The following ZNF692 variants were observed in gnomAD, a reference collection of about 807,000 sequenced individuals.
ZNF692 encodes the protein AICAR responsive element binding protein.
In ZNF692, 41 loss-of-function variants were observed where a neutral mutation model predicts 49.0. That is an observed-to-expected ratio of 0.84 (90% CI 0.65 to 1.08). The LOEUF (loss-of-function observed/expected upper bound fraction) is 1.08, where lower values mean the gene tolerates loss of function less well. Among genes scored for constraint, ZNF692 ranks in the 50% least tolerant of loss-of-function variants. The pLI, the probability that ZNF692 is intolerant of heterozygous loss-of-function variation, is 0.00. For missense variants in ZNF692, 662 were observed against 662.2 expected, an observed-to-expected ratio of 1.00 and a Z score of 0.00; for synonymous variants, 288 against 251.5, an observed-to-expected ratio of 1.15 and a Z score of -1.37.
chr1:248,856,787 C>G (rs961138835), intron 4 of ZNF692, among the ~76,000 whole-genome samples: 1 of 152,144 alleles, frequency 6.6e-6, no homozygotes, highest in Non-Finnish European at 1.5e-5. Context: ...TGCACCCAGG[C>G]AGAGACTTTT....
In ZNF692 at chr1:248,858,228, G is replaced by C. The variant is rs781683840; in HGVS notation, c.82C>G (p.Arg28Gly). 1.3e-6 allele frequency: 2 copies of C among 1,591,366 alleles called. No homozygotes were observed. Among genetic ancestry groups the C allele is most frequent in the East Asian group, 4.5e-5 (2 of 44,214 alleles). ...TCCATGTGGCCGCCCAGGCGGATGCGGCACTTGCTGCGGCGCGCGTCCAGC... is the reference window on the plus strand; with the variant it reads ...TCCATGTGGCCGCCCAGGCGGATGCCGCACTTGCTGCGGCGCGCGTCCAGC... ...RQLDARRSKC[R>G]IRLGGHMEQW... Residue 28 changes from arginine to glycine, a missense_variant, in exon 2 of 12, where the codon CGC becomes GGC. Coordinates refer to ENST00000306601, the MANE Select transcript of ZNF692 (RefSeq NM_017865.4). The surrounding 1 kb of genome is among the most constrained non-coding windows in gnomAD (Gnocchi z 4.3).
At chr1:248,857,779 T>A (rs775587181) in intron 3 of ZNF692, 49 bp downstream of exon 3, 1 of 1,602,036 alleles carries the variant, frequency 6.2e-7, no homozygotes, top group Admixed American at 1.7e-5. Context: ...TGGGTCACCC[T>A]GTGGTCCCTC....
chr1:248,856,822 GCTAT>G (rs1175236297), intron 4 of ZNF692, among the ~76,000 whole-genome samples: 2 of 152,164 alleles, frequency 1.3e-5, no homozygotes, highest in Non-Finnish European at 2.9e-5. Context: ...GGGAGCAGAG[GCTAT>G]CTGAGTAGGA....
Position 248,850,027 on chromosome 1 carries a change from T to G in ZNF692, c.*183A>C, listed in dbSNP as rs1257768009. 1.2e-5 allele frequency: 7 copies of G among 569,016 alleles called. No homozygotes were observed. The highest frequency in any genetic ancestry group is 2.0e-5 in the Non-Finnish European group (7 of 342,966). The allele number at this position is 569,016 out of a possible 1,614,324, so 35.2% of individuals were successfully genotyped here. ...CATGCCTGCATAAAATACTGTTTAT[T>G]TTGTCCTTTAGGAAGACTAAAGTAG... On this transcript the variant is annotated 3_prime_UTR_variant, in exon 12 of 12. Coordinates refer to ENST00000306601, the MANE Select transcript of ZNF692 (RefSeq NM_017865.4).
intron 6 of ZNF692, 53 bp downstream of exon 6, chr1:248,856,235 G>A: frequency 2.0e-6 from 3 of 1,535,374 alleles, no homozygotes; most frequent in Non-Finnish European, 2.6e-6. Flanking sequence ...TGAACTGCCA[G>A]GCCAGCTGCC....
At position 248,851,095 on chromosome 1, in the gene ZNF692, T is replaced by G. The variant is rs905179994; in HGVS notation, c.1154-314A>C. The G allele has an allele frequency of 2.9e-5, 15 of 522,798 alleles. No homozygotes were observed. In the East Asian group the frequency reaches 6.2e-4, roughly 21 times the overall value. The allele number at this position is 522,798 out of a possible 1,614,324, so 32.4% of individuals were successfully genotyped here. ...CCACCTCAGCCTCTAGGCTGGTTCT[T>G]TCTCAAAGGAGACACATGGAATGGA... is the stretch of plus-strand genomic sequence containing the variant. On this transcript the variant is annotated intron_variant, in intron 10 of 11. Transcript: ENST00000306601.
Position 248,855,752 on chromosome 1 carries a change from G to A in ZNF692, c.854C>T (p.Ala285Val), listed in dbSNP as rs375365732. ...GGCCAGGGCCTCAGTCTGCTGGGCC[G>A]CTTGAGGGGTCCTGCTGAGCTGTGG... ...VQPQLSRTPQ[A>V]AQQTEALAST... Residue 285 changes from alanine (A) to valine (V), a missense_variant, in exon 7 of 12, where the codon GCG (alanine) becomes GTG (valine). Physicochemically the swap from Ala to Val is moderately conservative, Grantham distance 64. Coordinates refer to ENST00000306601, the MANE Select transcript of ZNF692 (RefSeq NM_017865.4). 19 of 1,614,076 alleles carry A rather than the reference G, an allele frequency of 1.2e-5. No homozygotes were observed. The highest frequency in any genetic ancestry group is 2.7e-5 in the African/African-American group (2 of 74,926).
intron 6 of ZNF692, 125 bp from the exon 7 acceptor site, chr1:248,856,071 C>A: frequency 8.3e-7 from 1 of 1,211,492 alleles, no homozygotes; most frequent in Non-Finnish European, 1.1e-6. Context: ...ACCCTAGGCT[C>A]CCCATTCATA....
At chr1:248,856,654 C>T in intron 4 of ZNF692, 92 bp from the exon 5 acceptor site, 1 of 1,505,760 alleles carries the variant, frequency 6.6e-7, no homozygotes. Flanking sequence ...TGGGAGACTC[C>T]TCTTTTTTTT....
In ZNF692 at chr1:248,855,958, A is replaced by G; in HGVS notation, c.660-12T>C. The G allele has an allele frequency of 6.2e-7, 1 of 1,612,558 alleles. No homozygotes were observed. The highest frequency in any genetic ancestry group is 8.5e-7 in the Non-Finnish European group (1 of 1,179,318). On this transcript the variant is annotated splice_polypyrimidine_tract_variant and intron_variant, in intron 6 of 11. Coordinates refer to ENST00000306601, the MANE Select transcript of ZNF692 (RefSeq NM_017865.4). ...CATCAGGCTCACTACTGAAAGGAGA[A>G]CAAAGAGGAAGATGGCATTAACTTT...
chr1:248,856,009 G>C lies in ZNF692; in HGVS notation c.660-63C>G, dbSNP rs1558256563. Reference sequence around the variant, plus strand: ...CTGGGCAGTCAGCCATCCCCTGCCCGACCCTAGCCCCTAAACTGAAAAGAT... The same window carrying C: ...CTGGGCAGTCAGCCATCCCCTGCCCCACCCTAGCCCCTAAACTGAAAAGAT... On this transcript the variant is annotated intron_variant, in intron 6 of 11. Coordinates refer to ENST00000306601, the MANE Select transcript of ZNF692 (RefSeq NM_017865.4). The C allele has an allele frequency of 2.6e-6, 4 of 1,509,438 alleles. No individual in the cohort carries two copies. The Admixed American group carries it at 5.6e-5, about 21-fold the overall frequency. 93.5% of individuals were successfully genotyped at this position (1,509,438 alleles called of 1,614,324 possible).
In ZNF692 at chr1:248,855,986, G is replaced by A. The variant is rs781668524; in HGVS notation, c.660-40C>T. 4 of 1,594,106 alleles carry A rather than the reference G, an allele frequency of 2.5e-6. No homozygotes were observed. The East Asian group carries it at 6.8e-5, about 27-fold the overall frequency. On this transcript the variant is annotated intron_variant, in intron 6 of 11. Coordinates refer to ENST00000306601, the MANE Select transcript of ZNF692 (RefSeq NM_017865.4). ...AAGAGGAAGATGGCATTAACTTTCTGGGCAGTCAGCCATCCCCTGCCCGAC... is the reference window on the plus strand; with the variant it reads ...AAGAGGAAGATGGCATTAACTTTCTAGGCAGTCAGCCATCCCCTGCCCGAC...
In ZNF692 at chr1:248,856,573, G is replaced by A; in HGVS notation, c.476-11C>T. ...GCTCAGATTCCAAATCTGTGGGACA[G>A]GCAAAGTCAAAAGAGAAGGAACTCT... is the stretch of plus-strand genomic sequence containing the variant. On this transcript the variant is annotated splice_polypyrimidine_tract_variant and intron_variant, in intron 4 of 11. Coordinates refer to ENST00000306601, the MANE Select transcript of ZNF692 (RefSeq NM_017865.4). 2.5e-6 allele frequency: 4 copies of A among 1,614,066 alleles called. No homozygotes were observed. The highest frequency in any genetic ancestry group is 3.4e-6 in the Non-Finnish European group (4 of 1,180,032).
rs769278660 is a variant in ZNF692, at chr1:248,856,590, AG to A, written c.476-29del. 6.3e-4 allele frequency: 1,019 copies of A among 1,614,004 alleles called. 5 individuals are homozygous for A. Among genetic ancestry groups the A allele is most frequent in the South Asian group, 5.1e-3 (469 of 91,082 alleles). ...GTGGGACAGGCAAAGTCAAAAGAGA[AG>A]GAACTCTGGACTCAAGGGATGAGGA... On this transcript the variant is annotated intron_variant, in intron 4 of 11. Coordinates refer to ENST00000306601, the MANE Select transcript of ZNF692 (RefSeq NM_017865.4).
Position 248,850,143 on chromosome 1 carries a change from C to G in ZNF692, c.*67G>C. ...AAGCATCTGGCATTTCTCAAGCAGA[C>G]CCTCTCCTTGTTGCTCCTTTTCAGT... On this transcript the variant is annotated 3_prime_UTR_variant, in exon 12 of 12. Transcript: ENST00000306601. 6.7e-7 allele frequency: 1 copy of G among 1,487,246 alleles called. No individual in the cohort carries two copies. Among genetic ancestry groups the G allele is most frequent in the South Asian group, 1.4e-5 (1 of 72,236 alleles). 92.1% of individuals were successfully genotyped at this position (1,487,246 alleles called of 1,614,324 possible). A position where few individuals can be genotyped will look rare whatever the true frequency, so the allele number is the denominator to read the frequency against.
rs1033395524 is a variant in ZNF692, at chr1:248,859,051, G to C, written c.-146C>G. ...AGCGTTTCTCTTTTAAGAAGAAACGGTGCCTCTCGGCGTCGGCTGCTGTAG... is the reference window on the plus strand; with the variant it reads ...AGCGTTTCTCTTTTAAGAAGAAACGCTGCCTCTCGGCGTCGGCTGCTGTAG... On this transcript the variant is annotated 5_prime_UTR_variant, in exon 1 of 12. Coordinates refer to ENST00000306601, the MANE Select transcript of ZNF692 (RefSeq NM_017865.4). 1 of 153,918 alleles carries C rather than the reference G, an allele frequency of 6.5e-6. No homozygotes were observed. Among genetic ancestry groups the C allele is most frequent in the African/African-American group, 2.4e-5 (1 of 41,488 alleles). The allele number at this position is 153,918 out of a possible 1,614,324, so 9.5% of individuals were successfully genotyped here. A position where few individuals can be genotyped will look rare whatever the true frequency, so the allele number is the denominator to read the frequency against.
chr1:248,852,743 C>G (rs1303124323), intron 10 of ZNF692, among the ~76,000 whole-genome samples: 1 of 152,164 alleles, frequency 6.6e-6, no homozygotes, highest in East Asian at 1.9e-4. Context: ...AATCATCCCC[C>G]CTTCCTCCCT....
At chr1:248,852,630 G>A (rs1216321581) in intron 10 of ZNF692, among the ~76,000 whole-genome samples, 1 of 152,158 alleles carries the variant, frequency 6.6e-6, no homozygotes, top group Non-Finnish European at 1.5e-5. Flanking sequence ...TATCCCCACA[G>A]CTCCACTGCC....
rs778452229 is a variant in ZNF692, at chr1:248,855,781, C to T, written c.825G>A (p.Val275=). ...GAGGGGTCCTGCTGAGCTGTGGCTG[C>T]ACCCTGACTTCTGCAGGTGGAGGAG... The part of the protein sequence containing the change: ...SRAPPPAEVR[V]QPQLSRTPQA... The change falls in exon 7 of 12, where the codon GTG becomes GTA. Residue 275 remains valine, a synonymous_variant. Coordinates refer to ENST00000306601, the MANE Select transcript of ZNF692 (RefSeq NM_017865.4). 1 of 1,614,176 alleles carries T rather than the reference C, an allele frequency of 6.2e-7. No individual in the cohort carries two copies. Among genetic ancestry groups the T allele is most frequent in the Non-Finnish European group, 8.5e-7 (1 of 1,180,042 alleles).
Sources: allele counts gnomAD v4.1 joint callset (sites outside exome capture counted in the v4.1 genomes callset), GRCh38; gene constraint gnomAD v4.1.1; non-coding constraint Gnocchi (gnomAD v3.1); transcripts MANE v1.5; gene names NCBI Gene and HGNC (gene_info 2026-07-23, HGNC 2026-07-21).